Variants in ANO3 observed in about 807,000 individuals in gnomAD.
ANO3 encodes anoctamin-3.
In ANO3, 99 loss-of-function variants were observed where a neutral mutation model predicts 144.8. The ratio of observed to expected loss-of-function variants is 0.68; its 90% CI spans 0.58 to 0.81. The LOEUF (loss-of-function observed/expected upper bound fraction) is 0.81. ANO3 is among the 30% of genes least tolerant of loss of function. The pLI is 0.00. For synonymous variants in ANO3, 414 were observed against 392.6 expected, an observed-to-expected ratio of 1.05 and a Z score of -0.64; for missense variants, 905 against 1,202.2, an observed-to-expected ratio of 0.75 and a Z score of 3.66.
chr11:26,273,460 G>A (rs1169449250), intron 1 of ANO3, among the ~76,000 whole-genome samples: 1 of 152,002 alleles, frequency 6.6e-6, no homozygotes, highest in African/African-American at 2.4e-5. Flanking sequence ...GTGGAAGTCT[G>A]GAAGGATTAC....
intron 1 of ANO3, among the ~76,000 whole-genome samples, chr11:26,255,337 A>C (rs536891698): frequency 1.2e-4 from 18 of 152,278 alleles, no homozygotes; most frequent in African/African-American, 4.1e-4. Flanking sequence ...CTTGAATCCA[A>C]GTGTCACCAT....
chr11:26,543,777 AG>A (rs1849706307), intron 11 of ANO3, among the ~76,000 whole-genome samples: 1 of 152,114 alleles, frequency 6.6e-6, no homozygotes, highest in Admixed American at 6.6e-5. Flanking sequence ...GTCACTACAA[AG>A]GACATGAACT....
intron 3 of ANO3, among the ~76,000 whole-genome samples, chr11:26,455,871 CAG>C (rs1859135487): frequency 1.3e-5 from 2 of 151,770 alleles, no homozygotes; most frequent in African/African-American, 4.8e-5. Context: ...GGCACCAAAA[CAG>C]AGATATAGAT....
chr11:26,432,321 A>C (rs866155680), intron 1 of ANO3, among the ~76,000 whole-genome samples: 23 of 152,254 alleles, frequency 1.5e-4, no homozygotes, highest in Admixed American at 2.6e-4. Flanking sequence ...TCTCTGTCAG[A>C]TGTATAGTTT....
intron 1 of ANO3, among the ~76,000 whole-genome samples, chr11:26,195,900 TA>T (rs1351942462): frequency 1.3e-5 from 2 of 152,114 alleles, no homozygotes; most frequent in Admixed American, 6.6e-5. Flanking sequence ...ACTGTGGAAT[TA>T]AAAAAATGTG....
At chr11:26,323,144 G>A (rs1334299051) in intron 1 of ANO3, among the ~76,000 whole-genome samples, 2 of 151,876 alleles carry the variant, frequency 1.3e-5, no homozygotes, top group African/African-American at 4.8e-5. Flanking sequence ...ACTTCAAGAT[G>A]CTCAAGGCTC....
chr11:26,541,959 AG>A lies in ANO3; in HGVS notation c.1046del (p.Ser349IlefsTer35). The A allele has an allele frequency of 6.2e-7, 1 of 1,610,934 alleles. No individual in the cohort carries two copies. Among genetic ancestry groups the A allele is most frequent in the Non-Finnish European group, 8.5e-7 (1 of 1,178,418 alleles). Reference protein sequence around the residue: ...AFPPHEGAYKSSQPIKTHGPQ... With the variant: ...AFPPHEGAYKXSQPIKTHGPQ... ...TTATCTGTTGCAGGGAGCCTACAAAAGTAGCCAGCCCATTAAAACCCATGGA... is the reference window on the plus strand; with the variant it reads ...TTATCTGTTGCAGGGAGCCTACAAAATAGCCAGCCCATTAAAACCCATGGA... On this transcript the variant is annotated frameshift_variant, in exon 11 of 27. Transcript: ENST00000256737. LOFTEE classifies it high-confidence loss of function.
chr11:26,653,679 G>A (rs1853601395), intron 24 of ANO3, among the ~76,000 whole-genome samples: 1 of 151,666 alleles, frequency 6.6e-6, no homozygotes, highest in Admixed American at 6.6e-5. Flanking sequence ...CCCAGTACGT[G>A]CCAAGGTCTC....
At chr11:26,255,475 G>A (rs1168483806) in intron 1 of ANO3, among the ~76,000 whole-genome samples, 1 of 152,084 alleles carries the variant, frequency 6.6e-6, no homozygotes, top group African/African-American at 2.4e-5. Context: ...ATTGCTTTAC[G>A]TGAGAAATCT....
At chr11:26,561,182 A>T in intron 14 of ANO3, 6 of 1,612,438 alleles carry the variant, frequency 3.7e-6, no homozygotes, top group Non-Finnish European at 5.1e-6. Context: ...TAGAATTCCC[A>T]AAACTCACAT....
chr11:26,572,269 A>G (rs777543892), intron 14 of ANO3: 11 of 982,436 alleles, frequency 1.1e-5, no homozygotes, highest in Non-Finnish European at 1.3e-5. Flanking sequence ...GCATTAAGAT[A>G]TCACCTCATT....
At chr11:26,613,053 G>A (rs1350509188) in intron 17 of ANO3, among the ~76,000 whole-genome samples, 1 of 152,086 alleles carries the variant, frequency 6.6e-6, no homozygotes, top group African/African-American at 2.4e-5. Flanking sequence ...CAATATTTGG[G>A]AAGTTTCTGT....
intron 1 of ANO3, among the ~76,000 whole-genome samples, chr11:26,370,889 G>T (rs1211046207): frequency 1.3e-5 from 2 of 152,166 alleles, no homozygotes; most frequent in Non-Finnish European, 2.9e-5. Context: ...CATTCAAGAA[G>T]AAGCAGAGCA....
At chr11:26,516,626 T>G (rs542660382) in intron 5 of ANO3, among the ~76,000 whole-genome samples, 24 of 152,010 alleles carry the variant, frequency 1.6e-4, no homozygotes, top group Non-Finnish European at 3.2e-4. Context: ...TGGTTATTTC[T>G]TCTACACGAT....
At chr11:26,491,011 C>A (rs1378941777) in intron 4 of ANO3, among the ~76,000 whole-genome samples, 1 of 152,182 alleles carries the variant, frequency 6.6e-6, no homozygotes, top group Non-Finnish European at 1.5e-5. Flanking sequence ...GTTCAGAAAG[C>A]AATTCTTTTA....
At position 26,283,317 on chromosome 11, in the gene ANO3, AATAAATATATATATATAT is replaced by A. The variant is rs1338084367; in HGVS notation, c.155-26324_155-26307del. Reference sequence around the variant, plus strand: ...CATATCTTACCAAAATAAACAAATAAATAAATATATATATATATATATATATATATATATATATATATA... The same window carrying A: ...CATATCTTACCAAAATAAACAAATAAATATATATATATATATATATATATA... On this transcript the variant is annotated intron_variant, in intron 1 of 27. Transcript: ENST00000672621. 9.0e-4 allele frequency among the ~76,000 whole-genome samples: 70 copies of A among 77,592 alleles called. 9 individuals carry two copies. Among genetic ancestry groups the A allele is most frequent in the South Asian group, 9.0e-3 (15 of 1,664 alleles). The allele number at this position is 77,592 out of a possible 152,430, so 50.9% of individuals were successfully genotyped here.
intron 1 of ANO3, among the ~76,000 whole-genome samples, chr11:26,221,685 C>A (rs375168573): frequency 6.6e-6 from 1 of 151,328 alleles, no homozygotes; most frequent in East Asian, 1.9e-4. Flanking sequence ...TTTGGTGAAG[C>A]CTCAGGAAGA....
intron 1 of ANO3, among the ~76,000 whole-genome samples, chr11:26,421,559 T>C (rs529024136): frequency 1.3e-5 from 2 of 152,018 alleles, no homozygotes; most frequent in Non-Finnish European, 2.9e-5. Flanking sequence ...AATTTTTCTT[T>C]TATAGACATG....
At chr11:26,577,264 A>T (rs765363448) in intron 14 of ANO3, among the ~76,000 whole-genome samples, 36 of 152,116 alleles carry the variant, frequency 2.4e-4, no homozygotes, top group South Asian at 4.1e-4. Flanking sequence ...GATTTTTTTT[A>T]AAAAAGAGAG....
Sources: allele counts gnomAD v4.1 joint callset (sites outside exome capture counted in the v4.1 genomes callset), GRCh38; gene constraint gnomAD v4.1.1; transcripts MANE v1.5; gene names NCBI Gene and HGNC (gene_info 2026-07-23, HGNC 2026-07-21).